PITRM1: variants seen among roughly 807,000 people sequenced by gnomAD.
The protein encoded by PITRM1 is presequence protease, mitochondrial.
PITRM1 carries 100 observed loss-of-function variants against 129.9 expected under a neutral mutation model. The ratio of observed to expected loss-of-function variants is 0.77; its 90% CI spans 0.65 to 0.91. The LOEUF (loss-of-function observed/expected upper bound fraction) is 0.91. Among genes scored for constraint, PITRM1 ranks in the 40% least tolerant of loss-of-function variants. The pLI, the probability that PITRM1 is intolerant of heterozygous loss-of-function variation, is 0.00. For missense variants in PITRM1, 1,471 were observed against 1,318.3 expected (o/e 1.12, Z -1.79); for synonymous variants, 591 against 508.8 (o/e 1.16, Z -2.17).
At position 3,147,336 on chromosome 10, in the gene PITRM1, C is replaced by G. The variant is rs1327730268; in HGVS notation, c.2236-86G>C. 3 of 1,088,624 alleles carry G rather than the reference C, an allele frequency of 2.8e-6. No homozygotes were observed. The East Asian group carries it at 7.1e-5, about 26-fold the overall frequency. 67.4% of individuals were successfully genotyped at this position (1,088,624 alleles called of 1,614,324 possible). ...AACCAAGCACCTGTGACATCAGAAC[C>G]CTGCTTGGGCAGGGGTTATGTGTGC... On this transcript the variant is annotated intron_variant, in intron 19 of 26. Transcript: ENST00000224949.
At chr10:3,169,474 A>G (rs1260436346) in intron 2 of PITRM1, among the ~76,000 whole-genome samples, 1 of 152,214 alleles carries the variant, frequency 6.6e-6, no homozygotes, top group African/African-American at 2.4e-5. Context: ...GTCTTTCTAG[A>G]CAGTAAGCTG....
intron 6 of PITRM1, 138 bp from the exon 7 acceptor site, chr10:3,164,023 TAAAAAA>T: frequency 6.0e-6 from 2 of 333,122 alleles, no homozygotes; most frequent in Non-Finnish European, 1.1e-5. Flanking sequence ...TCTAATGGTT[TAAAAAA>T]AAAAAAAAAA....
At chr10:3,148,353 A>G (rs556675319) in intron 16 of PITRM1, 62 bp from the exon 17 acceptor site, 1 of 1,525,852 alleles carries the variant, frequency 6.6e-7, no homozygotes, top group East Asian at 2.3e-5. Context: ...CATTTTTAAA[A>G]TCGTGCATCT....
Position 3,170,096 on chromosome 10 carries a change from AC to A in PITRM1, c.159+7del. 1 of 1,601,460 alleles carries A rather than the reference AC, an allele frequency of 6.2e-7. No individual in the cohort carries two copies. Among genetic ancestry groups the A allele is most frequent in the Non-Finnish European group, 8.6e-7 (1 of 1,168,576 alleles). ...GATTTATAAGGAGGTGCCGAGGACG[AC>A]CCATACCTGGTTTACGGTGAATCCA... On this transcript the variant is annotated splice_region_variant and intron_variant, in intron 2 of 26. Transcript: ENST00000224949.
rs746477800 is a variant in PITRM1 at position 3,138,896 on chromosome 10, C to CA, written c.2917+7dup. On this transcript the variant is annotated splice_region_variant and intron_variant, in intron 25 of 26. Coordinates refer to ENST00000224949, the MANE Select transcript of PITRM1 (RefSeq NM_014889.4). ...GGGTTGAGATTCTCACTGTTATACT[C>CA]AAAATACCTTTGTCTGAAGGAGCGA... is the stretch of plus-strand genomic sequence containing the variant. 3 of 1,613,610 alleles carry CA rather than the reference C, an allele frequency of 1.9e-6. No individual in the cohort carries two copies. The African/African-American group carries it at 4.0e-5, about 22-fold the overall frequency.
At position 3,149,540 on chromosome 10, in the gene PITRM1, T is replaced by C; in HGVS notation, c.1871+81A>G. 4 of 1,349,424 alleles carry C rather than the reference T, an allele frequency of 3.0e-6. No individual in the cohort carries two copies. In the South Asian group the frequency reaches 4.6e-5, roughly 15 times the overall value. The allele number at this position is 1,349,424 out of a possible 1,614,324, so 83.6% of individuals were successfully genotyped here. On this transcript the variant is annotated intron_variant, in intron 16 of 26. Coordinates refer to ENST00000224949, the MANE Select transcript of PITRM1 (RefSeq NM_014889.4). ...GTAAGTTGTGATTCACTGAAGGTAA[T>C]TCCTACTGATGCATTAGAATACAGA...
chr10:3,160,345 G>C lies in PITRM1; in HGVS notation c.792-15C>G. ...ACGTGAAGAACCTAAAATTTTAAGG[G>C]AATATAATTAGTCTGTTTTAGTTTA... On this transcript the variant is annotated splice_polypyrimidine_tract_variant and intron_variant, in intron 7 of 26. Transcript: ENST00000224949. 6.3e-7 allele frequency: 1 copy of C among 1,590,402 alleles called. No individual in the cohort carries two copies. The highest frequency in any genetic ancestry group is 8.6e-7 in the Non-Finnish European group (1 of 1,158,682).
intron 14 of PITRM1, among the ~76,000 whole-genome samples, chr10:3,154,238 T>C (rs1841774504): frequency 1.3e-5 from 2 of 152,208 alleles, no homozygotes; most frequent in Non-Finnish European, 2.9e-5. Context: ...TGGCATTTCT[T>C]TGTAAGGATG....
At position 3,140,552 on chromosome 10, in the gene PITRM1, C is replaced by T. The variant is rs571158553; in HGVS notation, c.2771+135G>A. 8.4e-5 allele frequency: 65 copies of T among 773,182 alleles called. No individual in the cohort carries two copies. The African/African-American group carries it at 1.1e-3, about 13-fold the overall frequency. The allele number at this position is 773,182 out of a possible 1,614,324, so 47.9% of individuals were successfully genotyped here. A position where few individuals can be genotyped will look rare whatever the true frequency, so the allele number is the denominator to read the frequency against. On this transcript the variant is annotated intron_variant, in intron 24 of 26. Coordinates refer to ENST00000224949, the MANE Select transcript of PITRM1 (RefSeq NM_014889.4). Reference sequence around the variant, plus strand: ...ACATTGCTGGGTGTGGCTAAGTGCCCAAGGAGTGAAAAGAAGCACACAGAA... The same window carrying T: ...ACATTGCTGGGTGTGGCTAAGTGCCTAAGGAGTGAAAAGAAGCACACAGAA...
chr10:3,145,912 A>T, intron 20 of PITRM1, 196 bp from the exon 21 acceptor site: 1 of 568,620 alleles, frequency 1.8e-6, no homozygotes, highest in Non-Finnish European at 3.1e-6. Flanking sequence ...ATTTCCGCAC[A>T]GTTCAATGTG....
At chr10:3,144,099 G>T in intron 22 of PITRM1, 193 bp downstream of exon 22, 1 of 597,664 alleles carries the variant, frequency 1.7e-6, no homozygotes, top group Non-Finnish European at 3.0e-6. Context: ...CCCCACCAGG[G>T]CCTTCACTCA....
At chr10:3,163,999 G>A in intron 6 of PITRM1, 114 bp from the exon 7 acceptor site, 1 of 536,694 alleles carries the variant, frequency 1.9e-6, no homozygotes, top group Non-Finnish European at 3.0e-6. Context: ...GTAATACTTT[G>A]CAAATAAAGC....
At position 3,168,409 on chromosome 10, in the gene PITRM1, CTT is replaced by C. The variant is rs1843051951; in HGVS notation, c.160-1369_160-1368del. Among the ~76,000 whole-genome samples the C allele has an allele frequency of 3.3e-5, 5 of 151,882 alleles. No homozygotes were observed. In the South Asian group the frequency reaches 1.0e-3, roughly 31 times the overall value. On this transcript the variant is annotated intron_variant, in intron 2 of 26. Coordinates refer to ENST00000224949, the MANE Select transcript of PITRM1 (RefSeq NM_014889.4). ...GCTATTTCTCAAACAAGAATCATGA[CTT>C]ATCGTAAGTTTCTATGGCTGGACAC...
At position 3,157,068 on chromosome 10, in the gene PITRM1, G is replaced by T; in HGVS notation, c.1348-4C>A. On this transcript the variant is annotated splice_region_variant and splice_polypyrimidine_tract_variant and intron_variant, in intron 12 of 26. Coordinates refer to ENST00000224949, the MANE Select transcript of PITRM1 (RefSeq NM_014889.4). ...GGTTCCAGCAAGAAGCTATGTACTG[G>T]AAGGAAGATTTCCACATCCACAATG... 7.5e-6 allele frequency: 12 copies of T among 1,602,214 alleles called. No individual in the cohort carries two copies. The highest frequency in any genetic ancestry group is 1.0e-5 in the Non-Finnish European group (12 of 1,176,726).
In PITRM1 at chr10:3,144,331, G is replaced by C. The variant is rs376788309; in HGVS notation, c.2493C>G (p.His831Gln). Residue 831 changes from histidine (H) to glutamine (Q), a missense_variant, in exon 22 of 27, where the codon CAC (histidine) becomes CAG (glutamine). Coordinates refer to ENST00000224949, the MANE Select transcript of PITRM1 (RefSeq NM_014889.4). Reference protein sequence around the residue: ...PVPSSSGGDAHVPHGSQVIRK... With the variant: ...PVPSSSGGDAQVPHGSQVIRK... Reference sequence around the variant, plus strand: ...TAATGACCTGGGAGCCATGGGGAACGTGGGCATCTCCACCAGAGCTGCTGG... The same window carrying C: ...TAATGACCTGGGAGCCATGGGGAACCTGGGCATCTCCACCAGAGCTGCTGG... 1 of 1,562,884 alleles carries C rather than the reference G, an allele frequency of 6.4e-7. No homozygotes were observed. Among genetic ancestry groups the C allele is most frequent in the Admixed American group, 1.9e-5 (1 of 53,092 alleles).
Position 3,143,561 on chromosome 10 carries a change from G to T in PITRM1, c.2533-60C>A, listed in dbSNP as rs60009959. On this transcript the variant is annotated intron_variant, in intron 22 of 26. Transcript: ENST00000224949. The stretch of plus-strand genomic sequence containing the variant: ...TGCCATGCACCGCCCACGGCACTGG[G>T]ACTGGACCCACTCAGGGGTCAGAGG... The T allele has an allele frequency of 4.5e-3, 5,225 of 1,166,638 alleles. 171 individuals carry two copies. In the African/African-American group the frequency reaches 0.071, roughly 16 times the overall value. 72.3% of individuals were successfully genotyped at this position (1,166,638 alleles called of 1,614,324 possible).
intron 24 of PITRM1, among the ~76,000 whole-genome samples, chr10:3,140,432 G>A (rs930234185): frequency 3.9e-5 from 6 of 152,340 alleles, no homozygotes; most frequent in African/African-American, 7.2e-5. Flanking sequence ...AGGCACTACC[G>A]TGTTCTGCCA....
At chr10:3,157,277 AAT>A in intron 12 of PITRM1, 156 bp downstream of exon 12, 1 of 644,448 alleles carries the variant, frequency 1.6e-6, no homozygotes, top group South Asian at 2.4e-5. Context: ...CACAGGCTGA[AAT>A]AATGTTTAGG....
intron 14 of PITRM1, 147 bp downstream of exon 14, chr10:3,155,444 C>T: frequency 1.1e-6 from 1 of 899,728 alleles, no homozygotes; most frequent in Non-Finnish European, 1.7e-6. Context: ...AATATCTGAA[C>T]TCAATGCATC....
Sources: gnomAD v4.1 joint callset for allele counts (sites outside exome capture counted in the v4.1 genomes callset) on GRCh38, gnomAD v4.1.1 for gene constraint, MANE v1.5 for transcripts, NCBI Gene and HGNC (gene_info 2026-07-23, HGNC 2026-07-21) for gene names.